LRRTM4: variants seen among roughly 807,000 people sequenced by gnomAD.
The protein encoded by LRRTM4 is leucine rich repeat transmembrane neuronal 4, also known as leucine-rich repeat transmembrane neuronal protein 4.
LRRTM4 carries 25 observed loss-of-function variants against 47.6 expected under a neutral mutation model. That is an observed-to-expected ratio of 0.53 (90% CI 0.38 to 0.73). The LOEUF (loss-of-function observed/expected upper bound fraction) is 0.73, where lower values mean the gene tolerates loss of function less well. LRRTM4 is among the 30% of genes least tolerant of loss of function. The pLI is 0.00. For missense variants in LRRTM4, 638 were observed against 713.4 expected (o/e 0.89, Z 1.20); for synonymous variants, 311 against 269.5 (o/e 1.15, Z -1.51).
chr2:77,046,371 C>A (rs1391210888), intron 3 of LRRTM4, among the ~76,000 whole-genome samples: 3 of 151,960 alleles, frequency 2.0e-5, no homozygotes, highest in African/African-American at 7.2e-5. Context: ...GTGCAATAGG[C>A]AGATTTTTTT....
chr2:76,753,578 CAT>C (rs1491559570), intron 3 of LRRTM4, among the ~76,000 whole-genome samples: 3 of 152,026 alleles, frequency 2.0e-5, no homozygotes, highest in Non-Finnish European at 4.4e-5. Context: ...AAAAGTGACA[CAT>C]TTTTTTCAAT....
At chr2:77,432,989 A>T (rs114569683) in intron 3 of LRRTM4, among the ~76,000 whole-genome samples, 3,865 of 152,300 alleles carry the variant, frequency 0.025, 71 homozygotes, top group Non-Finnish European at 0.041. Flanking sequence ...ATCTTCTGCC[A>T]GTGAAAAGAT....
intron 3 of LRRTM4, among the ~76,000 whole-genome samples, chr2:77,405,155 T>C (rs1674132298): frequency 6.6e-6 from 1 of 152,142 alleles, no homozygotes; most frequent in Non-Finnish European, 1.5e-5. Context: ...CTTCCACAGA[T>C]GTTTGAGTTG....
At chr2:77,509,013 C>T (rs925320371) in intron 3 of LRRTM4, among the ~76,000 whole-genome samples, 1 of 152,050 alleles carries the variant, frequency 6.6e-6, no homozygotes, top group African/African-American at 2.4e-5. Flanking sequence ...GGGCAGATCA[C>T]CCGAAGTCAG....
At chr2:76,844,279 C>T (rs1274105778) in intron 3 of LRRTM4, among the ~76,000 whole-genome samples, 3 of 151,782 alleles carry the variant, frequency 2.0e-5, no homozygotes, top group Admixed American at 6.6e-5. Flanking sequence ...GGACTACAGA[C>T]GCATGCCACC....
chr2:77,180,181 G>A (rs1673310341), intron 3 of LRRTM4, among the ~76,000 whole-genome samples: 1 of 152,108 alleles, frequency 6.6e-6, no homozygotes, highest in Non-Finnish European at 1.5e-5. Context: ...GACTACTATA[G>A]TCTCTTTCAA....
intron 3 of LRRTM4, among the ~76,000 whole-genome samples, chr2:77,124,218 G>A (rs1671597309): frequency 6.6e-6 from 1 of 152,034 alleles, no homozygotes; most frequent in South Asian, 2.1e-4. Flanking sequence ...AAAACAAAGA[G>A]ATCCAAAAAC....
intron 3 of LRRTM4, among the ~76,000 whole-genome samples, chr2:76,859,278 T>C (rs1022210491): frequency 5.9e-5 from 9 of 152,156 alleles, no homozygotes; most frequent in African/African-American, 1.7e-4. Flanking sequence ...GTAAGTTATA[T>C]ATTCTTTTTT....
chr2:77,040,466 A>C (rs535167681), intron 3 of LRRTM4, among the ~76,000 whole-genome samples: 1 of 151,520 alleles, frequency 6.6e-6, no homozygotes, highest in South Asian at 2.1e-4. Flanking sequence ...AGTCTCAGTA[A>C]ATTTAGTAAA....
intron 3 of LRRTM4, among the ~76,000 whole-genome samples, chr2:76,850,838 G>T (rs982531240): frequency 8.5e-5 from 13 of 152,186 alleles, no homozygotes; most frequent in African/African-American, 2.9e-4. Context: ...CCTTAAAAAT[G>T]AGAGGGAAAA....
At chr2:76,836,027 A>G (rs78463017) in intron 3 of LRRTM4, among the ~76,000 whole-genome samples, 1,887 of 152,114 alleles carry the variant, frequency 0.012, 43 homozygotes, top group African/African-American at 0.043. Flanking sequence ...GTAGAAGAGT[A>G]TATGTCACAA....
intron 3 of LRRTM4, among the ~76,000 whole-genome samples, chr2:76,817,848 G>A (rs558061975): frequency 6.6e-6 from 1 of 152,074 alleles, no homozygotes; most frequent in East Asian, 1.9e-4. Flanking sequence ...CTTAAGATAT[G>A]CCATGTTAGT....
At chr2:76,982,408 G>A (rs1233011788) in intron 3 of LRRTM4, among the ~76,000 whole-genome samples, 1 of 151,916 alleles carries the variant, frequency 6.6e-6, no homozygotes, top group Non-Finnish European at 1.5e-5. Flanking sequence ...CTCTTTCTTT[G>A]CTCATGAAGT....
intron 3 of LRRTM4, among the ~76,000 whole-genome samples, chr2:76,998,876 G>A (rs1219095590): frequency 1.3e-5 from 2 of 149,980 alleles, no homozygotes; most frequent in African/African-American, 4.9e-5. Context: ...CTTTCAAACT[G>A]AACTGCAGCA....
At chr2:77,269,311 G>A (rs916075730) in intron 3 of LRRTM4, among the ~76,000 whole-genome samples, 3 of 151,976 alleles carry the variant, frequency 2.0e-5, no homozygotes, top group Non-Finnish European at 2.9e-5. Flanking sequence ...GGAGGGCCTG[G>A]AGCTGGTTAG....
intron 3 of LRRTM4, among the ~76,000 whole-genome samples, chr2:77,054,827 G>T (rs559238652): frequency 6.6e-6 from 1 of 152,286 alleles, no homozygotes; most frequent in South Asian, 2.1e-4. Flanking sequence ...AGTAAAGCAG[G>T]CATCAGTGAC....
chr2:77,327,084 G>A (rs1670804043), intron 3 of LRRTM4, among the ~76,000 whole-genome samples: 1 of 152,052 alleles, frequency 6.6e-6, no homozygotes, highest in South Asian at 2.1e-4. Context: ...AAAGGAGCAG[G>A]GAAAAAGATT....
intron 3 of LRRTM4, among the ~76,000 whole-genome samples, chr2:77,450,773 A>G (rs924989410): frequency 6.6e-6 from 1 of 152,138 alleles, no homozygotes; most frequent in East Asian, 1.9e-4. Context: ...TAGCTAGCCA[A>G]TTATAATATT....
chr2:77,366,378 T>C (rs2103757784), intron 3 of LRRTM4, among the ~76,000 whole-genome samples: 1 of 152,028 alleles, frequency 6.6e-6, no homozygotes, highest in African/African-American at 2.4e-5. Context: ...TGGTACTTTT[T>C]ACCTAATCAC....
Sources: gnomAD v4.1 joint callset for allele counts (sites outside exome capture counted in the v4.1 genomes callset) on GRCh38, gnomAD v4.1.1 for gene constraint, MANE v1.5 for transcripts, NCBI Gene and HGNC (gene_info 2026-07-23, HGNC 2026-07-21) for gene names.